The following CPLANE1 variants were observed in gnomAD, a reference collection of about 807,000 sequenced individuals.
CPLANE1 encodes the protein ciliogenesis and planar polarity effector complex subunit 1.
In CPLANE1, 263 loss-of-function variants were observed where a neutral mutation model predicts 362.5. The observed-to-expected ratio is 0.73, with a 90% CI of 0.66 to 0.80. CPLANE1 has a LOEUF of 0.80. CPLANE1 is among the 30% of genes least tolerant of loss of function. The pLI, the probability that CPLANE1 is intolerant of heterozygous loss-of-function variation, is 0.00. For synonymous variants in CPLANE1, 1,212 were observed against 1,302.6 expected, an observed-to-expected ratio of 0.93 and a Z score of 1.50; for missense variants, 3,461 against 3,793.4, an observed-to-expected ratio of 0.91 and a Z score of 2.30.
chr5:37,244,706 T>A, intron 4 of CPLANE1, 99 bp from the exon 5 acceptor site: 2 of 758,204 alleles, frequency 2.6e-6, no homozygotes, highest in East Asian at 2.7e-5. Context: ...AAAAAACAAA[T>A]AATGTTACCA....
chr5:37,131,269 C>T (rs1157565946), intron 46 of CPLANE1, among the ~76,000 whole-genome samples: 1 of 152,146 alleles, frequency 6.6e-6, no homozygotes, highest in Non-Finnish European at 1.5e-5. Flanking sequence ...AAAGCGCTTT[C>T]TACCACACCC....
chr5:37,198,954 G>T, intron 19 of CPLANE1, 88 bp from the exon 20 acceptor site: 1 of 1,213,512 alleles, frequency 8.2e-7, no homozygotes, highest in Non-Finnish European at 1.2e-6. Context: ...CTAATGAGCT[G>T]AGCACAGTGG....
Position 37,107,010 on chromosome 5 carries a change from T to C in CPLANE1, c.*592A>G. The C allele has an allele frequency of 1.0e-6, 1 of 985,386 alleles. No homozygotes were observed. Among genetic ancestry groups the C allele is most frequent in the Non-Finnish European group, 1.2e-6 (1 of 829,926 alleles). 61.0% of individuals were successfully genotyped at this position (985,386 alleles called of 1,614,324 possible). On this transcript the variant is annotated 3_prime_UTR_variant, in exon 53 of 53. Coordinates refer to ENST00000651892, the MANE Select transcript of CPLANE1 (RefSeq NM_001384732.1). ...GCCCAAAGCATCCATTCCTGTTTCT[T>C]CCTCCAAGGCTTCAGGCTACAGGGC...
intron 46 of CPLANE1, 60 bp downstream of exon 46, chr5:37,138,660 T>A: frequency 2.0e-6 from 3 of 1,528,416 alleles, no homozygotes; most frequent in Non-Finnish European, 2.7e-6. Context: ...TGACAAATTT[T>A]GAACATTCTT....
chr5:37,148,592 G>C (rs1331385059), intron 42 of CPLANE1, among the ~76,000 whole-genome samples: 1 of 152,116 alleles, frequency 6.6e-6, no homozygotes, highest in Non-Finnish European at 1.5e-5. Context: ...CTTTTTTAGT[G>C]GCATAACACG....
Position 37,170,021 on chromosome 5 carries a change from G to A in CPLANE1, c.6462+20C>T, listed in dbSNP as rs1779329977. 1 of 1,605,184 alleles carries A rather than the reference G, an allele frequency of 6.2e-7. No homozygotes were observed. The highest frequency in any genetic ancestry group is 8.5e-7 in the Non-Finnish European group (1 of 1,173,956). On this transcript the variant is annotated intron_variant, in intron 33 of 52. Transcript: ENST00000651892. ...TGAGCCACCGCGCCCAGCCATTAAT[G>A]GTATTTTTACATACATTACCTGTAC...
chr5:37,106,064 C>A (rs952281991), downstream of CPLANE1, among the ~76,000 whole-genome samples: 7 of 151,956 alleles, frequency 4.6e-5, no homozygotes, highest in Admixed American at 2.6e-4. Context: ...TGTGGGCATA[C>A]AGATAAAGGG....
At chr5:37,207,559 C>T (rs1337749159) in intron 16 of CPLANE1, among the ~76,000 whole-genome samples, 1 of 152,138 alleles carries the variant, frequency 6.6e-6, no homozygotes. Flanking sequence ...CAACTCAAAT[C>T]CCTAGAAACA....
intron 36 of CPLANE1, among the ~76,000 whole-genome samples, chr5:37,165,144 G>T (rs1777901263): frequency 6.6e-6 from 1 of 152,012 alleles, no homozygotes; most frequent in Non-Finnish European, 1.5e-5. Context: ...AAAAAGACGT[G>T]ACTTAAAATA....
At chr5:37,134,009 T>C (rs532932978) in intron 46 of CPLANE1, among the ~76,000 whole-genome samples, 114 of 152,332 alleles carry the variant, frequency 7.5e-4, no homozygotes, top group African/African-American at 2.7e-3. Context: ...GAATTAACAA[T>C]CACCACAATT....
chr5:37,139,736 C>T, intron 44 of CPLANE1: 1 of 472,590 alleles, frequency 2.1e-6, no homozygotes, highest in Non-Finnish European at 2.8e-6. Flanking sequence ...TTTTTGTAGA[C>T]ACGGGGTCTT....
intron 21 of CPLANE1, among the ~76,000 whole-genome samples, chr5:37,189,724 C>A (rs1017292396): frequency 6.6e-6 from 1 of 152,244 alleles, no homozygotes; most frequent in Middle Eastern, 3.4e-3. Context: ...TGCAGCCGGG[C>A]ACAGTGGCTC....
chr5:37,176,848 TC>T (rs1781291579), intron 30 of CPLANE1, among the ~76,000 whole-genome samples: 1 of 150,586 alleles, frequency 6.6e-6, no homozygotes, highest in African/African-American at 2.5e-5. Flanking sequence ...AAGCTCCGCC[TC>T]CCCGGGTCAT....
chr5:37,243,063 CT>C lies in CPLANE1; in HGVS notation c.626del (p.Lys209SerfsTer2). 6.5e-7 allele frequency: 1 copy of C among 1,548,734 alleles called. No homozygotes were observed. The highest frequency in any genetic ancestry group is 8.7e-7 in the Non-Finnish European group (1 of 1,145,710). On this transcript the variant is annotated frameshift_variant, in exon 6 of 53. Transcript: ENST00000651892. Reference protein sequence around the residue: ...SFTFYSGECLKLTFLAIRWHE... With the variant: ...SFTFYSGECLXLTFLAIRWHE... The stretch of plus-strand genomic sequence containing the variant: ...GCCACCGAATTGCTAGAAATGTTAA[CT>C]TCAGGCATTCCCCAGAATAAAAAGT...
chr5:37,078,768 G>GTAT, the CPLANE1 span, among the ~76,000 whole-genome samples: 1 of 151,774 alleles, frequency 6.6e-6, no homozygotes, highest in African/African-American at 2.4e-5. Flanking sequence ...GTGTGAGATG[G>GTAT]TATTTCATTG....
chr5:37,102,161 G>A (rs1397047699), downstream of CPLANE1, among the ~76,000 whole-genome samples: 1 of 151,812 alleles, frequency 6.6e-6, no homozygotes, highest in Non-Finnish European at 1.5e-5. Flanking sequence ...TGGTTCTCTA[G>A]TTTTTTGCTG....
chr5:37,118,414 A>AG (rs1761661143), intron 50 of CPLANE1, among the ~76,000 whole-genome samples: 1 of 151,934 alleles, frequency 6.6e-6, no homozygotes, highest in Admixed American at 6.6e-5. Context: ...AAAAAAAAAA[A>AG]AAAGGCCAAG....
At chr5:37,194,069 A>G (rs1786485033) in intron 21 of CPLANE1, among the ~76,000 whole-genome samples, 1 of 151,926 alleles carries the variant, frequency 6.6e-6, no homozygotes, top group African/African-American at 2.4e-5. Flanking sequence ...TTACAGGTGC[A>G]CACCACTATG....
the CPLANE1 span, among the ~76,000 whole-genome samples, chr5:37,080,643 G>C: frequency 2.0e-5 from 3 of 152,166 alleles, no homozygotes; most frequent in Admixed American, 1.3e-4. Context: ...GAAAGCAGTA[G>C]CTACTAAGTT....
Sources: allele counts gnomAD v4.1 joint callset (sites outside exome capture counted in the v4.1 genomes callset), GRCh38; gene constraint gnomAD v4.1.1; transcripts MANE v1.5; gene names NCBI Gene and HGNC (gene_info 2026-07-23, HGNC 2026-07-21).